The following ZNF346 variants were observed in gnomAD, a reference collection of about 807,000 sequenced individuals.
ZNF346 encodes the protein double-stranded RNA-binding zinc finger protein JAZ.
Under a neutral mutation model 33.7 loss-of-function variants are expected in ZNF346, and 23 were observed. That is an observed-to-expected ratio of 0.68 (90% CI 0.49 to 0.97). The LOEUF (loss-of-function observed/expected upper bound fraction) is 0.97, where lower values mean the gene tolerates loss of function less well. Ranked by LOEUF, ZNF346 falls within the 50% of genes least tolerant of loss-of-function variation. The pLI, the probability that ZNF346 is intolerant of heterozygous loss-of-function variation, is 0.00. For synonymous variants in ZNF346, 134 were observed against 142.4 expected, an observed-to-expected ratio of 0.94 and a Z score of 0.42; for missense variants, 340 against 371.1, an observed-to-expected ratio of 0.92 and a Z score of 0.69.
chr5:177,023,111 C>T, intron 1 of ZNF346, 198 bp downstream of exon 1: 1 of 1,471,810 alleles, frequency 6.8e-7, no homozygotes. Flanking sequence ...AAGGGCCGCT[C>T]ACGCTCAGGC....
intron 4 of ZNF346, among the ~76,000 whole-genome samples, chr5:177,047,508 T>C: frequency 6.6e-6 from 1 of 151,732 alleles, no homozygotes. Flanking sequence ...CCGGCTAATG[T>C]TGTTTTTTTG....
intron 4 of ZNF346, among the ~76,000 whole-genome samples, chr5:177,050,001 T>G (rs1780637859): frequency 6.6e-6 from 1 of 152,198 alleles, no homozygotes; most frequent in South Asian, 2.1e-4. Flanking sequence ...CATGCCCAGC[T>G]AATTTTTGAA....
chr5:177,049,019 C>T (rs1318168527), intron 4 of ZNF346, among the ~76,000 whole-genome samples: 1 of 152,000 alleles, frequency 6.6e-6, no homozygotes, highest in Non-Finnish European at 1.5e-5. Flanking sequence ...ACTCCTGAGT[C>T]AGATTATCTG....
At chr5:177,061,727 A>T (rs1782577369) in intron 5 of ZNF346, among the ~76,000 whole-genome samples, 2 of 152,220 alleles carry the variant, frequency 1.3e-5, no homozygotes, top group Non-Finnish European at 2.9e-5. Flanking sequence ...GTCCTTAATG[A>T]GGCCACTTAG....
At position 177,067,291 on chromosome 5, in the gene ZNF346, C is replaced by A. The variant is rs1783259969; in HGVS notation, c.*2692C>A. ...TAAAAAAAGAAAGGAATGTTATGGC[C>A]TCAAGAGCTCTTTGTCCATCCTTTA... On this transcript the variant is annotated 3_prime_UTR_variant, in exon 7 of 7. Transcript: ENST00000358149. 6.6e-6 allele frequency among the ~76,000 whole-genome samples: 1 copy of A among 152,088 alleles called. No homozygotes were observed. The highest frequency in any genetic ancestry group is 2.4e-5 in the African/African-American group (1 of 41,426).
rs940662498 is a variant in ZNF346, at chr5:177,067,470, A to G, written c.*2871A>G. On this transcript the variant is annotated 3_prime_UTR_variant, in exon 7 of 7. Coordinates refer to ENST00000358149, the MANE Select transcript of ZNF346 (RefSeq NM_012279.4). ...GATCAGACTGCCTCAGCAATTCCCCAGAGTCCTTCTAAGCCACCTAGTATG... is the reference window on the plus strand; with the variant it reads ...GATCAGACTGCCTCAGCAATTCCCCGGAGTCCTTCTAAGCCACCTAGTATG... Among the ~76,000 whole-genome samples, 2 of 152,102 alleles carry G rather than the reference A, an allele frequency of 1.3e-5. No homozygotes were observed. The highest frequency in any genetic ancestry group is 2.9e-5 in the Non-Finnish European group (2 of 68,010).
intron 1 of ZNF346, among the ~76,000 whole-genome samples, chr5:177,036,144 G>A (rs1337414339): frequency 6.6e-6 from 1 of 152,076 alleles, no homozygotes; most frequent in Non-Finnish European, 1.5e-5. Context: ...GGGAGCTAGA[G>A]CTGAAACAAC....
chr5:177,036,618 C>T (rs1308645552), intron 1 of ZNF346, among the ~76,000 whole-genome samples: 1 of 152,164 alleles, frequency 6.6e-6, no homozygotes, highest in Non-Finnish European at 1.5e-5. Flanking sequence ...GTCACACAGT[C>T]TCAGCCAGGA....
chr5:177,043,562 TC>T (rs1779634907), intron 3 of ZNF346, among the ~76,000 whole-genome samples: 1 of 152,016 alleles, frequency 6.6e-6, no homozygotes, highest in Non-Finnish European at 1.5e-5. Flanking sequence ...GCTTGGGAAT[TC>T]GAGACCACCC....
chr5:177,044,942 G>T (rs969822054), intron 4 of ZNF346, among the ~76,000 whole-genome samples: 1 of 152,082 alleles, frequency 6.6e-6, no homozygotes, highest in Admixed American at 6.6e-5. Context: ...ACATGCTCAG[G>T]TTATGGCCTA....
chr5:177,057,851 C>G (rs192502473), intron 5 of ZNF346, among the ~76,000 whole-genome samples: 1 of 149,604 alleles, frequency 6.7e-6, no homozygotes, highest in African/African-American at 2.5e-5. Flanking sequence ...GACAGAGTTT[C>G]GCTCTTAATG....
chr5:177,051,459 G>A (rs918721145), intron 5 of ZNF346, among the ~76,000 whole-genome samples: 2 of 151,812 alleles, frequency 1.3e-5, no homozygotes, highest in Non-Finnish European at 2.9e-5. Flanking sequence ...ACAGGCGTGA[G>A]CCACCGCGCC....
At chr5:177,038,193 A>T (rs1196460561) in intron 1 of ZNF346, among the ~76,000 whole-genome samples, 4 of 147,994 alleles carry the variant, frequency 2.7e-5, no homozygotes, top group Non-Finnish European at 4.5e-5. Context: ...GGCTCAAGGG[A>T]TTCTCCCACC....
At chr5:177,029,538 A>G (rs1777372126) in intron 1 of ZNF346, among the ~76,000 whole-genome samples, 2 of 152,238 alleles carry the variant, frequency 1.3e-5, no homozygotes, top group Admixed American at 6.5e-5. Context: ...AAAGAATTCA[A>G]CCAAAGGGGC....
intron 4 of ZNF346, among the ~76,000 whole-genome samples, chr5:177,047,109 C>T (rs1006213218): frequency 2.0e-5 from 3 of 151,452 alleles, no homozygotes; most frequent in Non-Finnish European, 2.9e-5. Context: ...AGTGCAGTGG[C>T]ACGATCTCGG....
rs376968170 is a variant in ZNF346, at chr5:177,050,818, C to T, written c.585C>T (p.Asn195=). Reference sequence around the variant, plus strand: ...GCAGCCTCTGCCATGCAACTTTCAACGACCCTGTCATGGCTCAACAACATT... The same window carrying T: ...GCAGCCTCTGCCATGCAACTTTCAATGACCCTGTCATGGCTCAACAACATT... ...KFCSLCHATF[N]DPVMAQQHYV... is the part of the protein sequence containing the mutation. Residue 195 remains asparagine (N), a synonymous_variant, in exon 5 of 7, where the codon AAC becomes AAT. Coordinates refer to ENST00000358149, the MANE Select transcript of ZNF346 (RefSeq NM_012279.4). 7.1e-5 allele frequency: 115 copies of T among 1,614,040 alleles called. 1 individual carries two copies. The highest frequency in any genetic ancestry group is 4.6e-4 in the South Asian group (42 of 91,090).
At position 177,066,838 on chromosome 5, in the gene ZNF346, A is replaced by T. The variant is rs1783212476; in HGVS notation, c.*2239A>T. Among the ~76,000 whole-genome samples the T allele has an allele frequency of 2.6e-5, 4 of 152,130 alleles. No individual in the cohort carries two copies. The highest frequency in any genetic ancestry group is 6.5e-5 in the Admixed American group (1 of 15,270). The stretch of plus-strand genomic sequence containing the variant: ...CTTTGAGAGGCCAAGGCAGGTGGAT[A>T]ACCTGAGGTCAGAAGTTCGAGACCA... On this transcript the variant is annotated 3_prime_UTR_variant, in exon 7 of 7. Coordinates refer to ENST00000358149, the MANE Select transcript of ZNF346 (RefSeq NM_012279.4).
At chr5:177,080,307 T>G (rs1439846378) in exon 9 of ZNF346, 1 of 152,236 alleles carries the variant, frequency 6.6e-6, no homozygotes, top group Non-Finnish European at 1.5e-5. Flanking sequence ...GCCCATGCTT[T>G]TGGGTGGGTC....
At chr5:177,028,763 A>C (rs1777256692) in intron 1 of ZNF346, among the ~76,000 whole-genome samples, 1 of 115,874 alleles carries the variant, frequency 8.6e-6, no homozygotes, top group African/African-American at 3.4e-5. Context: ...TCTGTTGCCC[A>C]GGCTGGAGTG....
Sources: gnomAD v4.1 joint callset for allele counts (sites outside exome capture counted in the v4.1 genomes callset) on GRCh38, gnomAD v4.1.1 for gene constraint, MANE v1.5 for transcripts, NCBI Gene and HGNC (gene_info 2026-07-23, HGNC 2026-07-21) for gene names.